The following UCHL3 variants were observed in gnomAD, a reference collection of about 807,000 sequenced individuals.
The protein encoded by UCHL3 is ubiquitin C-terminal hydrolase L3.
UCHL3 carries 22 observed loss-of-function variants against 35.8 expected under a neutral mutation model. The observed-to-expected ratio is 0.61, with a 90% CI of 0.44 to 0.88. UCHL3 has a LOEUF of 0.88. UCHL3 is among the 40% of genes least tolerant of loss of function. The pLI is 0.00. For synonymous variants in UCHL3, 90 were observed against 92.8 expected (o/e 0.97, Z 0.17); for missense variants, 229 against 276.9 (o/e 0.83, Z 1.23).
intron 5 of UCHL3, 88 bp downstream of exon 5, chr13:75,567,400 G>T: frequency 3.4e-6 from 4 of 1,180,970 alleles, no homozygotes; most frequent in Non-Finnish European, 5.0e-6. Flanking sequence ...TGAAACCATA[G>T]TTTTGAGCAA....
chr13:75,591,290 C>T (rs2032472294), intron 6 of UCHL3, among the ~76,000 whole-genome samples: 1 of 152,120 alleles, frequency 6.6e-6, no homozygotes, highest in Non-Finnish European at 1.5e-5. Flanking sequence ...TATCAACAAA[C>T]TCACATCTCT....
intron 7 of UCHL3, among the ~76,000 whole-genome samples, chr13:75,597,361 C>T (rs7984443): frequency 0.45 from 66,777 of 148,622 alleles, 16,237 homozygotes; most frequent in East Asian, 0.64. Flanking sequence ...CATGGCAAGA[C>T]GTCATCTCTT....
chr13:75,565,800 A>C (rs2031664795), intron 3 of UCHL3, among the ~76,000 whole-genome samples: 1 of 152,202 alleles, frequency 6.6e-6, no homozygotes, highest in Admixed American at 6.5e-5. Flanking sequence ...CCGATTTTTT[A>C]ACCTTTTTGC....
intron 6 of UCHL3, among the ~76,000 whole-genome samples, chr13:75,586,559 C>T (rs1434219619): frequency 6.6e-6 from 1 of 151,970 alleles, no homozygotes; most frequent in Non-Finnish European, 1.5e-5. Flanking sequence ...TGGAATACAA[C>T]AGTTGAATAT....
chr13:75,585,338 A>C lies in UCHL3; in HGVS notation c.475-9577A>C, dbSNP rs187380755. 2.9e-3 allele frequency among the ~76,000 whole-genome samples: 435 copies of C among 152,330 alleles called. 3 individuals are homozygous for C. The highest frequency in any genetic ancestry group is 9.9e-3 in the African/African-American group (410 of 41,580). On this transcript the variant is annotated intron_variant, in intron 6 of 8. Transcript: ENST00000377595. ...TGAAAAAGACAGAGTAGATACTAAGAATTCATAAGAATTACAGCAGACTCC... is the reference window on the plus strand; with the variant it reads ...TGAAAAAGACAGAGTAGATACTAAGCATTCATAAGAATTACAGCAGACTCC...
At chr13:75,596,778 G>T (rs1369788745) in intron 7 of UCHL3, among the ~76,000 whole-genome samples, 5 of 152,152 alleles carry the variant, frequency 3.3e-5, no homozygotes, top group Non-Finnish European at 5.9e-5. Flanking sequence ...GGCTAAAAGG[G>T]CAGTTAGAAG....
intron 7 of UCHL3, among the ~76,000 whole-genome samples, chr13:75,595,723 T>C (rs1446486758): frequency 6.6e-6 from 1 of 151,788 alleles, no homozygotes; most frequent in Non-Finnish European, 1.5e-5. Flanking sequence ...GGAGCCTTTG[T>C]TTTCTTCAGG....
intron 7 of UCHL3, among the ~76,000 whole-genome samples, chr13:75,600,205 A>G (rs1419176684): frequency 2.0e-5 from 3 of 152,264 alleles, no homozygotes; most frequent in African/African-American, 4.8e-5. Context: ...AGTCATCTCC[A>G]TAACATAAAA....
chr13:75,604,310 T>TATTAA, intron 7 of UCHL3, among the ~76,000 whole-genome samples: 1 of 152,208 alleles, frequency 6.6e-6, no homozygotes, highest in African/African-American at 2.4e-5. Flanking sequence ...TATTCCTCTA[T>TATTAA]ATTACTGCAT....
chr13:75,555,676 C>T (rs1309560580), intron 2 of UCHL3, among the ~76,000 whole-genome samples: 4 of 152,046 alleles, frequency 2.6e-5, no homozygotes, highest in African/African-American at 7.2e-5. Context: ...TCTGCTTTCC[C>T]GTAACTTTCT....
At chr13:75,559,484 C>A (rs2031420478) in intron 2 of UCHL3, among the ~76,000 whole-genome samples, 1 of 152,162 alleles carries the variant, frequency 6.6e-6, no homozygotes, top group Non-Finnish European at 1.5e-5. Context: ...CCAATGATAT[C>A]ATTAGCAAGT....
chr13:75,567,130 T>G (rs926759433), intron 4 of UCHL3, 97 bp from the exon 5 acceptor site: 1 of 1,167,938 alleles, frequency 8.6e-7, no homozygotes. Flanking sequence ...ATGAAAGAAT[T>G]TAACCTGAAA....
intron 6 of UCHL3, among the ~76,000 whole-genome samples, chr13:75,593,705 T>G (rs1438154628): frequency 6.6e-6 from 1 of 152,210 alleles, no homozygotes; most frequent in Non-Finnish European, 1.5e-5. Flanking sequence ...GTTGAATTTC[T>G]TCCGTTCATA....
chr13:75,597,405 T>G (rs2032671171), intron 7 of UCHL3, among the ~76,000 whole-genome samples: 1 of 152,042 alleles, frequency 6.6e-6, no homozygotes, highest in African/African-American at 2.4e-5. Flanking sequence ...TATATAACTT[T>G]TAAGAAAGAA....
At position 75,567,286 on chromosome 13, in the gene UCHL3, CG is replaced by C; in HGVS notation, c.401del (p.Arg134GlnfsTer29). ...EESVSMSPEE[R>X]ARYLENYDAI... ...ATCTGTGTCAATGAGCCCTGAAGAA[CG>C]AGCCAGATACCTGGAGAACTATGAT... On this transcript the variant is annotated frameshift_variant, in exon 5 of 9. Transcript: ENST00000377595. LOFTEE classifies it high-confidence loss of function. 1 of 1,614,102 alleles carries C rather than the reference CG, an allele frequency of 6.2e-7. No homozygotes were observed. The highest frequency in any genetic ancestry group is 1.6e-4 in the Middle Eastern group (1 of 6,062).
intron 6 of UCHL3, among the ~76,000 whole-genome samples, chr13:75,575,273 A>G (rs949605256): frequency 1.3e-5 from 2 of 152,224 alleles, no homozygotes; most frequent in African/African-American, 4.8e-5. Flanking sequence ...CAGCTAATAC[A>G]GAAATCTGAA....
intron 3 of UCHL3, among the ~76,000 whole-genome samples, chr13:75,562,913 G>T (rs979605622): frequency 2.0e-5 from 3 of 151,998 alleles, no homozygotes; most frequent in African/African-American, 7.3e-5. Context: ...AATATAAATA[G>T]CATGTACTAC....
chr13:75,568,238 A>G (rs886576413), intron 5 of UCHL3, among the ~76,000 whole-genome samples: 3 of 152,166 alleles, frequency 2.0e-5, no homozygotes, highest in African/African-American at 7.2e-5. Context: ...AATTAGGCGT[A>G]TAATCTACAA....
At chr13:75,568,061 G>C (rs1334294895) in intron 5 of UCHL3, among the ~76,000 whole-genome samples, 4 of 151,960 alleles carry the variant, frequency 2.6e-5, no homozygotes, top group African/African-American at 9.7e-5. Flanking sequence ...CATAAACTAG[G>C]CTATATATAT....
Sources: allele counts gnomAD v4.1 joint callset (sites outside exome capture counted in the v4.1 genomes callset), GRCh38; gene constraint gnomAD v4.1.1; transcripts MANE v1.5; gene names NCBI Gene and HGNC (gene_info 2026-07-23, HGNC 2026-07-21).